OTOP1: variants seen among roughly 807,000 people sequenced by gnomAD.
OTOP1 encodes the protein proton channel OTOP1.
A neutral mutation model predicts 52.9 loss-of-function variants in OTOP1; 59 were observed. The observed-to-expected ratio is 1.12, with a 90% CI of 0.91 to 1.39. OTOP1 has a LOEUF of 1.39. Among genes scored for constraint, OTOP1 ranks in the 40% most tolerant of loss-of-function variants. The probability of loss-of-function intolerance (pLI) is 0.00; values close to 1 mark genes in which losing one functional copy is unlikely to be tolerated. For missense variants in OTOP1, 761 were observed against 800.9 expected (o/e 0.95, Z 0.60); for synonymous variants, 317 against 337.7 (o/e 0.94, Z 0.67).
intron 2 of OTOP1, among the ~76,000 whole-genome samples, chr4:4,207,572 C>T (rs970958430): frequency 6.3e-5 from 9 of 143,896 alleles, no homozygotes; most frequent in Admixed American, 2.1e-4. Context: ...AATTACCATA[C>T]GGTCCAGCAA....
intron 1 of OTOP1, among the ~76,000 whole-genome samples, chr4:4,213,439 C>T (rs569455893): frequency 5.3e-5 from 8 of 152,162 alleles, no homozygotes; most frequent in Admixed American, 6.5e-5. Context: ...ACACTACCAA[C>T]GAAGCGGAAA....
chr4:4,199,574 G>C (rs1333538430), intron 4 of OTOP1, among the ~76,000 whole-genome samples: 1 of 151,972 alleles, frequency 6.6e-6, no homozygotes, highest in African/African-American at 2.4e-5. Context: ...CACCACGCCC[G>C]GCTAATTTTT....
intron 5 of OTOP1, among the ~76,000 whole-genome samples, chr4:4,192,741 G>T (rs1181466197): frequency 6.6e-6 from 1 of 152,170 alleles, no homozygotes; most frequent in Non-Finnish European, 1.5e-5. Context: ...TTCGCGAGTT[G>T]CAACCTGGAG....
intron 1 of OTOP1, among the ~76,000 whole-genome samples, chr4:4,214,652 G>A (rs2108803551): frequency 6.6e-6 from 1 of 152,318 alleles, no homozygotes; most frequent in South Asian, 2.1e-4. Context: ...ACACGATACA[G>A]TATGGATGAG....
chr4:4,201,951 G>A (rs115439540), intron 4 of OTOP1, among the ~76,000 whole-genome samples: 3,937 of 152,214 alleles, frequency 0.026, 150 homozygotes, highest in African/African-American at 0.089. Context: ...TAGGAACAAG[G>A]TGGAACAGAC....
At chr4:4,202,665 A>C in intron 3 of OTOP1, 87 bp from the exon 4 acceptor site, 8 of 1,496,816 alleles carry the variant, frequency 5.3e-6, no homozygotes, top group Non-Finnish European at 6.4e-6. Context: ...ACACAAATAC[A>C]TGGCTCCTTC....
At position 4,202,514 on chromosome 4, in the gene OTOP1, A is replaced by T; in HGVS notation, c.664T>A (p.Ser222Thr). 5 of 1,614,038 alleles carry T rather than the reference A, an allele frequency of 3.1e-6. No individual in the cohort carries two copies. Among genetic ancestry groups the T allele is most frequent in the Non-Finnish European group, 4.2e-6 (5 of 1,179,972 alleles). ...LLWANGVLNE[S>T]KHQLNEHKER... ...TTGTGCTCATTGAGTTGGTGCTTTGACTCATTGAGGACGCCATTGGCCCAC... is the reference window on the plus strand; with the variant it reads ...TTGTGCTCATTGAGTTGGTGCTTTGTCTCATTGAGGACGCCATTGGCCCAC... Residue 222 changes from serine to threonine, a missense_variant, in exon 4 of 6, where the codon TCA becomes ACA. Coordinates refer to ENST00000296358, the MANE Select transcript of OTOP1 (RefSeq NM_177998.3).
intron 4 of OTOP1, among the ~76,000 whole-genome samples, chr4:4,199,016 C>G (rs975238257): frequency 6.6e-6 from 1 of 152,042 alleles, no homozygotes; most frequent in Non-Finnish European, 1.5e-5. Flanking sequence ...CATGGCGAAA[C>G]CTCGTCTCTA....
At chr4:4,205,411 A>T (rs1238140740) in intron 3 of OTOP1, among the ~76,000 whole-genome samples, 2 of 152,164 alleles carry the variant, frequency 1.3e-5, no homozygotes, top group African/African-American at 4.8e-5. Context: ...AAAACAAAAG[A>T]TCTTGCTACC....
rs548061423 is a variant in OTOP1 at position 4,197,013 on chromosome 4, T to C, written c.1668+153A>G. Among the ~76,000 whole-genome samples, 24 of 152,312 alleles carry C rather than the reference T, an allele frequency of 1.6e-4. 1 individual carries two copies. Among genetic ancestry groups the C allele is most frequent in the African/African-American group, 5.3e-4 (22 of 41,574 alleles). On this transcript the variant is annotated intron_variant, in intron 5 of 5. Coordinates refer to ENST00000296358, the MANE Select transcript of OTOP1 (RefSeq NM_177998.3). ...GGGTGAAAAACTACCTATCGGGCAC[T>C]ATGCTCATTACCTGGGTGATGGGAT...
At chr4:4,214,236 T>A (rs1330512922) in intron 1 of OTOP1, among the ~76,000 whole-genome samples, 1 of 151,720 alleles carries the variant, frequency 6.6e-6, no homozygotes, top group Non-Finnish European at 1.5e-5. Flanking sequence ...GAGGTGCAAA[T>A]CAAAACTACA....
chr4:4,197,370 C>T lies in OTOP1; in HGVS notation c.1464G>A (p.Val488=), dbSNP rs200617304. Residue 488 remains valine, a synonymous_variant, in exon 5 of 6, where the codon GTG becomes GTA. Coordinates refer to ENST00000296358, the MANE Select transcript of OTOP1 (RefSeq NM_177998.3). The part of the protein sequence containing the change: ...CPKSGGVARD[V]APQGKDMPPA... The stretch of plus-strand genomic sequence containing the variant: ...GTGGCATGTCCTTGCCCTGGGGAGC[C>T]ACATCTCTGGCCACACCTCCACTCT... The T allele has an allele frequency of 2.2e-5, 35 of 1,613,936 alleles. No homozygotes were observed. Among genetic ancestry groups the T allele is most frequent in the Non-Finnish European group, 2.8e-5 (33 of 1,180,028 alleles).
Position 4,188,783 on chromosome 4 carries a change from A to C in OTOP1, c.*20T>G. 3.1e-6 allele frequency: 5 copies of C among 1,599,252 alleles called. No homozygotes were observed. The highest frequency in any genetic ancestry group is 3.4e-6 in the Non-Finnish European group (4 of 1,173,082). ...AATGAACTCTTGTTAGCTCACTCCTAGGTCTCTTGTGGACCCAGACTATAT... is the reference window on the plus strand; with the variant it reads ...AATGAACTCTTGTTAGCTCACTCCTCGGTCTCTTGTGGACCCAGACTATAT... On this transcript the variant is annotated 3_prime_UTR_variant, in exon 6 of 6. Coordinates refer to ENST00000296358, the MANE Select transcript of OTOP1 (RefSeq NM_177998.3).
At chr4:4,205,681 A>G (rs546947599) in intron 3 of OTOP1, among the ~76,000 whole-genome samples, 1 of 151,746 alleles carries the variant, frequency 6.6e-6, no homozygotes, top group East Asian at 1.9e-4. Context: ...GTGTCAATAA[A>G]CTCCTGCTAG....
chr4:4,216,499 G>C (rs1717154790), intron 1 of OTOP1, among the ~76,000 whole-genome samples: 1 of 152,152 alleles, frequency 6.6e-6, no homozygotes, highest in South Asian at 2.1e-4. Context: ...CCATAACATT[G>C]GGCTATAACG....
chr4:4,204,688 A>C (rs2108800170), intron 3 of OTOP1, among the ~76,000 whole-genome samples: 1 of 151,770 alleles, frequency 6.6e-6, no homozygotes, highest in African/African-American at 2.4e-5. Context: ...AGCCATTTCT[A>C]ATCTCAGTGT....
intron 1 of OTOP1, among the ~76,000 whole-genome samples, chr4:4,222,197 C>T (rs995175764): frequency 3.3e-5 from 5 of 152,052 alleles, no homozygotes; most frequent in Non-Finnish European, 7.4e-5. Flanking sequence ...CTGAATAATA[C>T]AATCTCCTGC....
intron 1 of OTOP1, among the ~76,000 whole-genome samples, chr4:4,224,172 C>T (rs1421174481): frequency 9.2e-5 from 14 of 151,936 alleles, no homozygotes; most frequent in African/African-American, 3.4e-4. Context: ...CATGATGAAA[C>T]CCCGTCTCTA....
Position 4,204,712 on chromosome 4 carries a change from CTGTGTG to C in OTOP1, c.599+1354_599+1359del, listed in dbSNP as rs10526016. ...TAATCTCAGTGTATGTTTCCTTCAT[CTGTGTG>C]TGTGTGTGTGTGTGTGTGTGTGTGT... On this transcript the variant is annotated intron_variant, in intron 3 of 5. Transcript: ENST00000296358. Among the ~76,000 whole-genome samples, 989 of 149,996 alleles carry C rather than the reference CTGTGTG, an allele frequency of 6.6e-3. 5 individuals carry two copies. Among genetic ancestry groups the C allele is most frequent in the Non-Finnish European group, 9.7e-3 (654 of 67,380 alleles).
Sources: allele counts gnomAD v4.1 joint callset (sites outside exome capture counted in the v4.1 genomes callset), GRCh38; gene constraint gnomAD v4.1.1; transcripts MANE v1.5; gene names NCBI Gene and HGNC (gene_info 2026-07-23, HGNC 2026-07-21).